NPY1R: variants seen among roughly 807,000 people sequenced by gnomAD.
NPY1R encodes the protein neuropeptide Y receptor Y1.
In NPY1R, 10 loss-of-function variants were observed where a neutral mutation model predicts 24.1. That is an observed-to-expected ratio of 0.42 (90% CI 0.26 to 0.71). The LOEUF (loss-of-function observed/expected upper bound fraction) is 0.71, where lower values mean the gene tolerates loss of function less well. Among genes scored for constraint, NPY1R ranks in the 30% least tolerant of loss-of-function variants. NPY1R has a pLI of 0.28. For synonymous variants in NPY1R, 168 were observed against 165.9 expected (o/e 1.01, Z -0.10); for missense variants, 350 against 458.0 (o/e 0.76, Z 2.15).
intron 1 of NPY1R, among the ~76,000 whole-genome samples, chr4:163,331,622 C>G (rs955479164): frequency 3.9e-5 from 6 of 152,120 alleles, no homozygotes; most frequent in Non-Finnish European, 5.9e-5. Context: ...GAAGTCAATT[C>G]TCTCTCTTTG....
Position 163,325,498 on chromosome 4 carries a change from A to G in NPY1R, c.960T>C (p.Tyr320=), listed in dbSNP as rs1365443886. ...TCTGGAAGTTTTTGTTCAGGAACCCATAAAATATGGGGTTGACACAAGTGG... is the reference window on the plus strand; with the variant it reads ...TCTGGAAGTTTTTGTTCAGGAACCCGTAAAATATGGGGTTGACACAAGTGG... ...MISTCVNPIF[Y]GFLNKNFQRD... The change falls in exon 3 of 3, where the codon TAT becomes TAC. Residue 320 remains tyrosine, a synonymous_variant. Coordinates refer to ENST00000296533, the MANE Select transcript of NPY1R (RefSeq NM_000909.6). The G allele has an allele frequency of 1.9e-6, 3 of 1,614,152 alleles. No homozygotes were observed. The highest frequency in any genetic ancestry group is 2.2e-5 in the East Asian group (1 of 44,874).
Position 163,325,463 on chromosome 4 carries a change from T to C in NPY1R, c.995A>G (p.Gln332Arg), listed in dbSNP as rs1734583018. Reference sequence around the variant, plus strand: ...GAAATCACAAAAGTTGAAGAAGAACTGCAAGTCTCTCTGGAAGTTTTTGTT... The same window carrying C: ...GAAATCACAAAAGTTGAAGAAGAACCGCAAGTCTCTCTGGAAGTTTTTGTT... ...FLNKNFQRDLQFFFNFCDFRS... is the reference protein window; with the variant it reads ...FLNKNFQRDLRFFFNFCDFRS... The change falls in exon 3 of 3, where the codon CAG becomes CGG. Residue 332 changes from glutamine to arginine, a missense_variant. By Grantham distance (43) the Gln-to-Arg change is conservative. Transcript: ENST00000296533. 2 of 1,614,026 alleles carry C rather than the reference T, an allele frequency of 1.2e-6. No individual in the cohort carries two copies. Among genetic ancestry groups the C allele is most frequent in the Admixed American group, 1.7e-5 (1 of 60,000 alleles).
rs1734595507 is a variant in NPY1R, at chr4:163,325,953, T to G, written c.602A>C (p.Gln201Pro). The G allele has an allele frequency of 6.2e-7, 1 of 1,613,944 alleles. No individual in the cohort carries two copies. Among genetic ancestry groups the G allele is most frequent in the African/African-American group, 1.3e-5 (1 of 74,910 alleles). Residue 201 changes from glutamine to proline, a missense_variant, in exon 2 of 3, where the codon CAA becomes CCA. Gln to Pro is a moderately conservative substitution (Grantham distance 76). Transcript: ENST00000296533. ...AYKDKYVCFD[Q>P]FPSDSHRLSY... ...CAACCTATGAGAGTCCGATGGAAAT[T>G]GATCAAAGCACACGTATTTGTCTTT...
chr4:163,334,990 A>G (rs1242102951), upstream of NPY1R, among the ~76,000 whole-genome samples: 1 of 152,174 alleles, frequency 6.6e-6, no homozygotes, highest in Non-Finnish European at 1.5e-5. Context: ...GCCAAACACA[A>G]CATAAAATTC....
At chr4:163,325,802 G>C (rs1435643391) in intron 2 of NPY1R, 44 bp from the exon 3 acceptor site, 2 of 1,569,142 alleles carry the variant, frequency 1.3e-6, no homozygotes, top group Non-Finnish European at 1.7e-6. Flanking sequence ...ATTTGATGAG[G>C]AATTCTGTGT....
chr4:163,337,662 T>TA (rs1734874203), upstream of NPY1R, among the ~76,000 whole-genome samples: 1 of 152,206 alleles, frequency 6.6e-6, no homozygotes. Flanking sequence ...CCATGAGTTG[T>TA]ATTCCACTAA....
In NPY1R at chr4:163,325,919, G is replaced by T. The variant is rs1390731805; in HGVS notation, c.636C>A (p.Thr212=). The change falls in exon 2 of 3, where the codon ACC becomes ACA. Residue 212 remains threonine (T), a synonymous_variant. Transcript: ENST00000296533. ...AATACTGCAGCACCAAGAGGAGAGT[G>T]GTATAAGACAACCTATGAGAGTCCG... ...FPSDSHRLSY[T]TLLLVLQYFG... 1 of 1,613,932 alleles carries T rather than the reference G, an allele frequency of 6.2e-7. No individual in the cohort carries two copies. The highest frequency in any genetic ancestry group is 1.3e-5 in the African/African-American group (1 of 75,016).
At chr4:163,328,124 TA>T (rs557801442) in intron 1 of NPY1R, among the ~76,000 whole-genome samples, 1 of 151,936 alleles carries the variant, frequency 6.6e-6, no homozygotes, top group Non-Finnish European at 1.5e-5. Flanking sequence ...GATTTGGCCT[TA>T]AAAACTTAAG....
rs963131537 is a variant in NPY1R at position 163,325,099 on chromosome 4, C to G, written c.*204G>C. On this transcript the variant is annotated 3_prime_UTR_variant, in exon 3 of 3. Transcript: ENST00000296533. ...AAAGATGTCTGGTCAAAACTATTTC[C>G]AGAAGACCCCAAAGCCCACACCTTT... 1 of 534,230 alleles carries G rather than the reference C, an allele frequency of 1.9e-6. No individual in the cohort carries two copies. Among genetic ancestry groups the G allele is most frequent in the Admixed American group, 3.7e-5 (1 of 27,320 alleles). The allele number at this position is 534,230 out of a possible 1,614,324, so 33.1% of individuals were successfully genotyped here. A position where few individuals can be genotyped will look rare whatever the true frequency, so the allele number is the denominator to read the frequency against.
chr4:163,334,861 GAAAAAA>G (rs545497813), upstream of NPY1R, among the ~76,000 whole-genome samples: 2 of 66,906 alleles, frequency 3.0e-5, no homozygotes, highest in Admixed American at 1.6e-4. Context: ...CTCTGTTTTG[GAAAAAA>G]AAAAAAAAAA....
At chr4:163,338,895 T>A (rs1012912922) in intron 1 of NPY1R, among the ~76,000 whole-genome samples, 3 of 152,172 alleles carry the variant, frequency 2.0e-5, no homozygotes, top group Admixed American at 6.5e-5. Flanking sequence ...TTGTCCCATG[T>A]ATTCCCGTCT....
chr4:163,327,049 G>T (rs999109249), intron 1 of NPY1R, among the ~76,000 whole-genome samples: 2 of 152,042 alleles, frequency 1.3e-5, no homozygotes, highest in African/African-American at 2.4e-5. Flanking sequence ...TTAATGCACA[G>T]ATTAAAACAT....
upstream of NPY1R, among the ~76,000 whole-genome samples, chr4:163,336,288 C>T (rs1188854930): frequency 6.6e-6 from 1 of 151,892 alleles, no homozygotes; most frequent in African/African-American, 2.4e-5. Context: ...TTTCAGATAC[C>T]CTTTAGACAT....
chr4:163,326,567 G>C lies in NPY1R; in HGVS notation c.-13C>G. 1 of 1,518,378 alleles carries C rather than the reference G, an allele frequency of 6.6e-7. No individual in the cohort carries two copies. Among genetic ancestry groups the C allele is most frequent in the Non-Finnish European group, 9.0e-7 (1 of 1,108,900 alleles). The allele number at this position is 1,518,378 out of a possible 1,614,324, so 94.1% of individuals were successfully genotyped here. On this transcript the variant is annotated 5_prime_UTR_variant, in exon 2 of 3. Coordinates refer to ENST00000296533, the MANE Select transcript of NPY1R (RefSeq NM_000909.6). Reference sequence around the variant, plus strand: ...ATGTTGAATTCATTTTGATTGGTTTGGTTGTTATAGATTATTTTAGACAAA... The same window carrying C: ...ATGTTGAATTCATTTTGATTGGTTTCGTTGTTATAGATTATTTTAGACAAA...
rs747390151 is a variant in NPY1R at position 163,325,222 on chromosome 4, G to A, written c.*81C>T. The A allele has an allele frequency of 1.4e-5, 14 of 980,610 alleles. No homozygotes were observed. Among genetic ancestry groups the A allele is most frequent in the Non-Finnish European group, 2.2e-5 (14 of 648,628 alleles). 60.7% of individuals were successfully genotyped at this position (980,610 alleles called of 1,614,324 possible). A position where few individuals can be genotyped will look rare whatever the true frequency, so the allele number is the denominator to read the frequency against. ...AAATGATTTCAACCCCATTCCTTGG[G>A]AGAACAGGTAATCAAAGTATGTTGC... On this transcript the variant is annotated 3_prime_UTR_variant, in exon 3 of 3. Coordinates refer to ENST00000296533, the MANE Select transcript of NPY1R (RefSeq NM_000909.6).
Position 163,325,559 on chromosome 4 carries a change from A to C in NPY1R, c.899T>G (p.Leu300Arg). ...HQIIATCNHN[L>R]LFLLCHLTAM... ...TGTGAGGTGGCAGAGCAGGAATAAC[A>C]GATTGTGGTTGCAGGTAGCAATGAT... is the stretch of plus-strand genomic sequence containing the variant. The change falls in exon 3 of 3, where the codon CTG becomes CGG. Residue 300 changes from leucine (L) to arginine (R), a missense_variant. Physicochemically the swap from Leu to Arg is moderately radical, Grantham distance 102. Coordinates refer to ENST00000296533, the MANE Select transcript of NPY1R (RefSeq NM_000909.6). 1.2e-6 allele frequency: 2 copies of C among 1,614,102 alleles called. No homozygotes were observed. The highest frequency in any genetic ancestry group is 1.7e-6 in the Non-Finnish European group (2 of 1,179,986).
Position 163,324,070 on chromosome 4 carries a change from AAAATATAGTTTCTCC to A in NPY1R, c.*1218_*1232del, listed in dbSNP as rs1400769609. On this transcript the variant is annotated 3_prime_UTR_variant, in exon 3 of 3. Transcript: ENST00000296533. ...TACATTGAAGTATGTCTTGTTCTTT[AAAATATAGTTTCTCC>A]AAATGATTCTGAGGCTCAATCATGA... The A allele has an allele frequency of 2.6e-4, 39 of 152,656 alleles. No homozygotes were observed. Among genetic ancestry groups the A allele is most frequent in the Non-Finnish European group, 5.3e-4 (36 of 68,026 alleles). The allele number at this position is 152,656 out of a possible 1,614,324, so 9.5% of individuals were successfully genotyped here. A position where few individuals can be genotyped will look rare whatever the true frequency, so the allele number is the denominator to read the frequency against.
upstream of NPY1R, among the ~76,000 whole-genome samples, chr4:163,336,129 A>T (rs1298757407): frequency 1.3e-5 from 2 of 152,210 alleles, no homozygotes; most frequent in Admixed American, 1.3e-4. Flanking sequence ...CTTGATTTGA[A>T]ATGTGAATGC....
chr4:163,342,659 A>G (rs1025754401), intron 1 of NPY1R, among the ~76,000 whole-genome samples: 1 of 152,162 alleles, frequency 6.6e-6, no homozygotes, highest in African/African-American at 2.4e-5. Context: ...AGCAATCTAT[A>G]CAGATCCCCT....
Sources: allele counts gnomAD v4.1 joint callset (sites outside exome capture counted in the v4.1 genomes callset), GRCh38; gene constraint gnomAD v4.1.1; transcripts MANE v1.5; gene names NCBI Gene and HGNC (gene_info 2026-07-23, HGNC 2026-07-21).